Variants in GATAD1 observed in about 807,000 individuals in gnomAD.
GATAD1 encodes the protein GATA zinc finger domain containing 1.
GATAD1 carries 12 observed loss-of-function variants against 26.5 expected under a neutral mutation model. That is an observed-to-expected ratio of 0.45 (90% CI 0.29 to 0.73). The LOEUF is 0.73. Among genes scored for constraint, GATAD1 ranks in the 30% least tolerant of loss-of-function variants. The probability of loss-of-function intolerance (pLI) is 0.10; values close to 1 mark genes in which losing one functional copy is unlikely to be tolerated. For missense variants in GATAD1, 266 were observed against 342.1 expected (o/e 0.78, Z 1.75); for synonymous variants, 129 against 133.1 (o/e 0.97, Z 0.21).
At chr7:92,467,307 C>T in the GATAD1 span, among the ~76,000 whole-genome samples, 7 of 151,888 alleles carry the variant, frequency 4.6e-5, no homozygotes, top group Non-Finnish European at 1.0e-4. Flanking sequence ...AACAAAACTC[C>T]GTCTCAAAAT....
At chr7:92,477,170 A>T in the GATAD1 span, among the ~76,000 whole-genome samples, 1 of 152,124 alleles carries the variant, frequency 6.6e-6, no homozygotes, top group Non-Finnish European at 1.5e-5. Context: ...AGAAAACTGA[A>T]AGTGGAAGCT....
At chr7:92,492,570 T>C in the GATAD1 span, among the ~76,000 whole-genome samples, 2 of 152,236 alleles carry the variant, frequency 1.3e-5, no homozygotes, top group African/African-American at 2.4e-5. Context: ...ATTGGCCAGA[T>C]TGGAACAATG....
Position 92,456,615 on chromosome 7 carries a change from GC to G in GATAD1, c.*57del. ...CCTGGTGTGGTGGCTCACGCCTGTA[GC>G]CCCAGCTATTGCACCACTGCTCTCC... is the stretch of plus-strand genomic sequence containing the variant. On this transcript the variant is annotated 3_prime_UTR_variant, in exon 5 of 5. Coordinates refer to ENST00000287957, the MANE Select transcript of GATAD1 (RefSeq NM_021167.5). 1 of 1,150,456 alleles carries G rather than the reference GC, an allele frequency of 8.7e-7. No homozygotes were observed. Among genetic ancestry groups the G allele is most frequent in the Non-Finnish European group, 1.3e-6 (1 of 785,842 alleles). The allele number at this position is 1,150,456 out of a possible 1,614,324, so 71.3% of individuals were successfully genotyped here.
rs1789287560 is a variant in GATAD1, at chr7:92,448,767, C to T, written c.265C>T (p.His89Tyr). ...GGGKQSKQEIHRRSARLRNTK... is the reference protein window; with the variant it reads ...GGGKQSKQEIYRRSARLRNTK... ...TGTGTAACAGAGTAAGCAGGAAATT[C>T]ACAGGAGGTCTGCTCGGCTCAGAAA... Residue 89 changes from histidine (H) to tyrosine (Y), a missense_variant, in exon 2 of 5, where the codon CAC becomes TAC. Transcript: ENST00000287957. The T allele has an allele frequency of 1.2e-6, 2 of 1,611,936 alleles. No homozygotes were observed. Among genetic ancestry groups the T allele is most frequent in the Non-Finnish European group, 1.7e-6 (2 of 1,178,062 alleles).
the GATAD1 span, among the ~76,000 whole-genome samples, chr7:92,481,536 G>T: frequency 2.7e-4 from 41 of 152,158 alleles, no homozygotes; most frequent in Non-Finnish European, 8.8e-5. Context: ...AGGTCAAGTT[G>T]TTTGGACAAA....
At position 92,447,610 on chromosome 7, in the gene GATAD1, T is replaced by A. The variant is rs1285850491; in HGVS notation, c.-120T>A. On this transcript the variant is annotated 5_prime_UTR_variant, in exon 1 of 5. Transcript: ENST00000287957. ...CCTGGTCCTTTCACCGGCAGCTCCG[T>A]GCCGACGCTCTCACCGCTCTTCCTA... is the stretch of plus-strand genomic sequence containing the variant. 2 of 1,279,068 alleles carry A rather than the reference T, an allele frequency of 1.6e-6. No individual in the cohort carries two copies. The highest frequency in any genetic ancestry group is 3.3e-5 in the East Asian group (1 of 29,954). The allele number at this position is 1,279,068 out of a possible 1,614,324, so 79.2% of individuals were successfully genotyped here.
the GATAD1 span, among the ~76,000 whole-genome samples, chr7:92,480,581 T>TG: frequency 6.6e-6 from 1 of 152,148 alleles, no homozygotes; most frequent in Non-Finnish European, 1.5e-5. Flanking sequence ...CAGAATAGAA[T>TG]GGGCCTGTGA....
chr7:92,492,897 A>G, the GATAD1 span: 3 of 1,344,798 alleles, frequency 2.2e-6, no homozygotes, highest in Admixed American at 3.4e-5. Context: ...AAATTTTGAC[A>G]TTGTACTTCT....
intron 4 of GATAD1, among the ~76,000 whole-genome samples, chr7:92,456,161 T>G (rs772780103): frequency 2.4e-4 from 36 of 152,322 alleles, no homozygotes; most frequent in Non-Finnish European, 4.4e-4. Flanking sequence ...ATGCAAGTGT[T>G]CAATCACTGT....
rs928273475 is a variant in GATAD1 at position 92,460,038 on chromosome 7, C to A, written c.*3476C>A. 6.6e-6 allele frequency among the ~76,000 whole-genome samples: 1 copy of A among 152,132 alleles called. No individual in the cohort carries two copies. Among genetic ancestry groups the A allele is most frequent in the East Asian group, 1.9e-4 (1 of 5,192 alleles). On this transcript the variant is annotated 3_prime_UTR_variant, in exon 5 of 5. Transcript: ENST00000287957. ...GATGAGTTTTAAATAGTTCTCTTAA[C>A]ACAAATAAAGCTTAATATGAGTATT...
downstream of GATAD1, among the ~76,000 whole-genome samples, chr7:92,463,255 A>G (rs1015157930): frequency 2.0e-5 from 3 of 152,194 alleles, no homozygotes; most frequent in Admixed American, 6.5e-5. Flanking sequence ...TTGTGGGTAC[A>G]AATTTTCGGT....
the GATAD1 span, among the ~76,000 whole-genome samples, chr7:92,482,540 G>A: frequency 6.6e-6 from 1 of 152,124 alleles, no homozygotes; most frequent in African/African-American, 2.4e-5. Flanking sequence ...TACTGGCATT[G>A]AGCAGGGTAA....
At chr7:92,485,257 G>A in the GATAD1 span, among the ~76,000 whole-genome samples, 9 of 152,312 alleles carry the variant, frequency 5.9e-5, no homozygotes, top group African/African-American at 2.2e-4. Flanking sequence ...GGCTTAGCTT[G>A]GGCTCAGAGG....
the GATAD1 span, chr7:92,489,923 ATT>A: frequency 0.034 from 54,309 of 1,608,206 alleles, 1,057 homozygotes; most frequent in Middle Eastern, 0.062. Context: ...TGCATGGTAA[ATT>A]GTAGTAATGA....
chr7:92,454,053 C>T (rs1789555176), intron 3 of GATAD1: 1 of 199,236 alleles, frequency 5.0e-6, no homozygotes, highest in African/African-American at 2.4e-5. Context: ...AGTGTACGTT[C>T]ATCCGTGTAA....
the GATAD1 span, among the ~76,000 whole-genome samples, chr7:92,492,203 G>A: frequency 3.9e-5 from 6 of 152,146 alleles, no homozygotes; most frequent in Non-Finnish European, 8.8e-5. Context: ...CTGGAGTGCA[G>A]TGGCACAAGC....
rs1655293325 is a variant in GATAD1 at position 92,457,692 on chromosome 7, A to G, written c.*1130A>G. ...TAATTAAGGTATAGATGACTGACCAAGGGCTTAATCAAATAAAATGACTAA... is the reference window on the plus strand; with the variant it reads ...TAATTAAGGTATAGATGACTGACCAGGGGCTTAATCAAATAAAATGACTAA... On this transcript the variant is annotated 3_prime_UTR_variant, in exon 5 of 5. Coordinates refer to ENST00000287957, the MANE Select transcript of GATAD1 (RefSeq NM_021167.5). The G allele has an allele frequency of 6.6e-6, 1 of 152,230 alleles. No homozygotes were observed. Among genetic ancestry groups the G allele is most frequent in the African/African-American group, 2.4e-5 (1 of 41,460 alleles). The allele number at this position is 152,230 out of a possible 1,614,324, so 9.4% of individuals were successfully genotyped here. A position where few individuals can be genotyped will look rare whatever the true frequency, so the allele number is the denominator to read the frequency against.
chr7:92,449,978 TG>T (rs1789354634), intron 2 of GATAD1: 1 of 152,262 alleles, frequency 6.6e-6, no homozygotes, highest in South Asian at 2.1e-4. Flanking sequence ...GTGAGGCATT[TG>T]TTGATTACAC....
chr7:92,489,104 A>C, the GATAD1 span, among the ~76,000 whole-genome samples: 1 of 152,106 alleles, frequency 6.6e-6, no homozygotes, highest in Non-Finnish European at 1.5e-5. Flanking sequence ...GTTAATGAAA[A>C]CTCAATTTTG....
Sources: allele counts gnomAD v4.1 joint callset (sites outside exome capture counted in the v4.1 genomes callset), GRCh38; gene constraint gnomAD v4.1.1; transcripts MANE v1.5; gene names NCBI Gene and HGNC (gene_info 2026-07-23, HGNC 2026-07-21).